Variants in EPHA6 observed in about 807,000 individuals in gnomAD.
The protein encoded by EPHA6 is ephrin type-A receptor 6.
Under a neutral mutation model 112.0 loss-of-function variants are expected in EPHA6, and 50 were observed. The observed-to-expected ratio is 0.45, with a 90% confidence interval of 0.36 to 0.56. The LOEUF is 0.56. EPHA6 is among the 20% of genes least tolerant of loss of function. EPHA6 has a pLI of 0.00. For synonymous variants in EPHA6, 529 were observed against 490.7 expected, an observed-to-expected ratio of 1.08 and a Z score of -1.03; for missense variants, 1,280 against 1,417.4, an observed-to-expected ratio of 0.90 and a Z score of 1.56.
chr3:97,135,938 T>G (rs1261440267), intron 3 of EPHA6, among the ~76,000 whole-genome samples: 1 of 152,018 alleles, frequency 6.6e-6, no homozygotes, highest in Non-Finnish European at 1.5e-5. Context: ...TAAAATGGTG[T>G]TGTCTGAGAT....
intron 6 of EPHA6, among the ~76,000 whole-genome samples, chr3:97,407,723 AT>A (rs561855859): frequency 2.0e-5 from 3 of 151,684 alleles, no homozygotes; most frequent in East Asian, 1.9e-4. Flanking sequence ...AAAACTTTTT[AT>A]TTTTTTTATT....
chr3:97,547,115 C>T (rs1331265780), intron 11 of EPHA6, among the ~76,000 whole-genome samples: 2 of 152,326 alleles, frequency 1.3e-5, no homozygotes, highest in Admixed American at 1.3e-4. Flanking sequence ...TGAGGAGCTG[C>T]ATTCCTCTGG....
chr3:97,184,920 A>G (rs2077084223), intron 3 of EPHA6, among the ~76,000 whole-genome samples: 1 of 152,216 alleles, frequency 6.6e-6, no homozygotes, highest in African/African-American at 2.4e-5. Context: ...ACATATCTAC[A>G]ACCATCTGAT....
At chr3:96,891,413 A>G (rs562278571) in intron 2 of EPHA6, among the ~76,000 whole-genome samples, 2 of 152,304 alleles carry the variant, frequency 1.3e-5, no homozygotes, top group East Asian at 1.9e-4. Context: ...AGGTCACGAT[A>G]AAGGTGACTG....
At chr3:96,942,518 C>G (rs1014620346) in intron 2 of EPHA6, among the ~76,000 whole-genome samples, 11 of 152,190 alleles carry the variant, frequency 7.2e-5, no homozygotes, top group African/African-American at 9.6e-5. Context: ...GTCTGTCACC[C>G]CTTTCTTTGA....
chr3:96,860,138 A>G (rs1013728589), intron 1 of EPHA6, among the ~76,000 whole-genome samples: 1 of 152,148 alleles, frequency 6.6e-6, no homozygotes, highest in Non-Finnish European at 1.5e-5. Context: ...ATCAAAATGT[A>G]TGATGTAAAA....
At chr3:97,326,504 C>A (rs2082430120) in intron 5 of EPHA6, among the ~76,000 whole-genome samples, 1 of 151,918 alleles carries the variant, frequency 6.6e-6, no homozygotes, top group Non-Finnish European at 1.5e-5. Context: ...AAGAGAAAAT[C>A]ACTCCATCTT....
chr3:97,421,084 G>A (rs775165718), intron 6 of EPHA6, among the ~76,000 whole-genome samples: 4 of 151,864 alleles, frequency 2.6e-5, no homozygotes, highest in East Asian at 1.9e-4. Flanking sequence ...GCAAATAGCC[G>A]TCTTAGTGAG....
chr3:97,262,157 G>A (rs1014115255), intron 5 of EPHA6, among the ~76,000 whole-genome samples: 4 of 152,136 alleles, frequency 2.6e-5, no homozygotes, highest in Non-Finnish European at 4.4e-5. Flanking sequence ...AGCCATCACA[G>A]TAAATTTATG....
chr3:96,951,005 T>A (rs2041508457), intron 2 of EPHA6, among the ~76,000 whole-genome samples: 1 of 152,120 alleles, frequency 6.6e-6, no homozygotes, highest in Non-Finnish European at 1.5e-5. Flanking sequence ...TCTTTGCTTT[T>A]TTTTTACTTA....
At chr3:97,741,820 A>G (rs1447265039) in intron 16 of EPHA6, among the ~76,000 whole-genome samples, 3 of 152,066 alleles carry the variant, frequency 2.0e-5, no homozygotes, top group Non-Finnish European at 4.4e-5. Flanking sequence ...CAAACTTCAT[A>G]GATGGAGTCT....
At chr3:97,483,684 A>G in intron 9 of EPHA6, among the ~76,000 whole-genome samples, 1 of 152,170 alleles carries the variant, frequency 6.6e-6, no homozygotes, top group East Asian at 1.9e-4. Context: ...GAAATATGAG[A>G]CATGTGTTTT....
intron 6 of EPHA6, among the ~76,000 whole-genome samples, chr3:97,431,459 A>C (rs2089501190): frequency 6.6e-6 from 1 of 152,144 alleles, no homozygotes; most frequent in African/African-American, 2.4e-5. Flanking sequence ...GCAAAGGCAA[A>C]TTGTTCCCCA....
chr3:97,065,884 TA>T (rs987350882), intron 3 of EPHA6, among the ~76,000 whole-genome samples: 1 of 152,140 alleles, frequency 6.6e-6, no homozygotes, highest in Non-Finnish European at 1.5e-5. Flanking sequence ...TTGATTTTTT[TA>T]AAAAAATCCT....
intron 2 of EPHA6, among the ~76,000 whole-genome samples, chr3:96,937,409 T>C (rs1422832765): frequency 6.6e-6 from 1 of 152,120 alleles, no homozygotes; most frequent in African/African-American, 2.4e-5. Context: ...TGTCTTCTTT[T>C]GAGAAGTGTC....
At chr3:97,050,088 C>A (rs188930644) in intron 3 of EPHA6, among the ~76,000 whole-genome samples, 1 of 152,260 alleles carries the variant, frequency 6.6e-6, no homozygotes, top group East Asian at 1.9e-4. Context: ...TTTTCTTCTG[C>A]TAATCTCTCT....
At chr3:96,984,710 G>C (rs906540619) in intron 2 of EPHA6, among the ~76,000 whole-genome samples, 15 of 152,342 alleles carry the variant, frequency 9.8e-5, no homozygotes, top group Admixed American at 2.6e-4. Flanking sequence ...CCCAGTTCCA[G>C]CTTCCCCACT....
intron 11 of EPHA6, among the ~76,000 whole-genome samples, chr3:97,547,831 T>C (rs1469394143): frequency 1.3e-5 from 2 of 152,194 alleles, no homozygotes; most frequent in Admixed American, 6.5e-5. Context: ...GTGCTAGCAA[T>C]GAGCGAGACT....
chr3:97,387,684 A>C (rs2086150835), intron 5 of EPHA6, among the ~76,000 whole-genome samples: 1 of 152,154 alleles, frequency 6.6e-6, no homozygotes, highest in Non-Finnish European at 1.5e-5. Context: ...AAACTGTTCC[A>C]ACACTTGCCA....
Sources: allele counts gnomAD v4.1 joint callset (sites outside exome capture counted in the v4.1 genomes callset), GRCh38; gene constraint gnomAD v4.1.1; transcripts MANE v1.5; gene names NCBI Gene and HGNC (gene_info 2026-07-23, HGNC 2026-07-21).